CCZ1B: variants seen among roughly 807,000 people sequenced by gnomAD.
CCZ1B encodes the protein CCZ1B vacuolar protein trafficking and biogenesis associated, also known as vacuolar fusion protein CCZ1 homolog B.
A neutral mutation model predicts 58.8 loss-of-function variants in CCZ1B; 25 were observed. The ratio of observed to expected loss-of-function variants is 0.43; its 90% CI spans 0.31 to 0.59. The LOEUF (loss-of-function observed/expected upper bound fraction) is 0.59, where lower values mean the gene tolerates loss of function less well. CCZ1B is among the 20% of genes least tolerant of loss of function. CCZ1B has a pLI of 0.12. For synonymous variants in CCZ1B, 66 were observed against 173.2 expected, an observed-to-expected ratio of 0.38 and a Z score of 4.86; for missense variants, 180 against 501.5, an observed-to-expected ratio of 0.36 and a Z score of 6.12.
chr7:6,812,116 G>A (rs1241179901), intron 9 of CCZ1B, 53 bp from the exon 10 acceptor site: 3 of 953,990 alleles, frequency 3.1e-6, no homozygotes, highest in East Asian at 4.8e-5. Flanking sequence ...GGAGAATCAG[G>A]AATCTAGAAA....
chr7:6,800,766 C>G (rs1243765243), intron 14 of CCZ1B, among the ~76,000 whole-genome samples, 182 bp downstream of exon 14: 1 of 134,564 alleles, frequency 7.4e-6, no homozygotes, highest in Non-Finnish European at 1.6e-5. Context: ...GTTTCCTGTG[C>G]TACAGGAAGG....
At chr7:6,820,079 G>A (rs557942746) in intron 6 of CCZ1B, 138 bp from the exon 7 acceptor site, 15 of 1,267,850 alleles carry the variant, frequency 1.2e-5, no homozygotes, top group South Asian at 5.6e-5. Context: ...CAATGAGGCC[G>A]TGGTGAAGAC....
intron 5 of CCZ1B, among the ~76,000 whole-genome samples, chr7:6,822,725 A>G (rs1783131384): frequency 2.0e-5 from 2 of 99,224 alleles, no homozygotes; most frequent in African/African-American, 3.9e-5. Flanking sequence ...TTTTTTTGAG[A>G]TGGAATCTCG....
chr7:6,817,200 C>A (rs1315968987), intron 7 of CCZ1B, among the ~76,000 whole-genome samples: 1 of 151,644 alleles, frequency 6.6e-6, no homozygotes, highest in African/African-American at 2.4e-5. Flanking sequence ...CCCTCAGATG[C>A]TATTCCAAGA....
intron 6 of CCZ1B, among the ~76,000 whole-genome samples, chr7:6,821,003 G>C (rs1476004880): frequency 6.7e-6 from 1 of 148,914 alleles, no homozygotes; most frequent in Admixed American, 6.7e-5. Flanking sequence ...ATACTACAGA[G>C]AGTGCCATCT....
chr7:6,821,213 T>C (rs1215186315), intron 6 of CCZ1B, among the ~76,000 whole-genome samples: 1 of 150,046 alleles, frequency 6.7e-6, no homozygotes, highest in Non-Finnish European at 1.5e-5. Context: ...GGTTTCACCA[T>C]GTTGGCCAGG....
intron 7 of CCZ1B, among the ~76,000 whole-genome samples, chr7:6,817,262 C>A (rs1243883212): frequency 1.3e-5 from 2 of 151,486 alleles, no homozygotes; most frequent in Non-Finnish European, 2.9e-5. Context: ...TCCTGTGACT[C>A]CAGGCTTCAA....
intron 3 of CCZ1B, 95 bp from the exon 4 acceptor site, chr7:6,824,261 G>C (rs1783160068): frequency 1.9e-6 from 3 of 1,563,780 alleles, no homozygotes; most frequent in African/African-American, 1.4e-5. Flanking sequence ...TACAGCACCA[G>C]AAACACAACT....
chr7:6,809,589 A>G (rs1196308412), intron 10 of CCZ1B, among the ~76,000 whole-genome samples: 7 of 133,062 alleles, frequency 5.3e-5, no homozygotes, highest in Non-Finnish European at 1.1e-4. Flanking sequence ...CATTCTTCCT[A>G]CTCCAATTCC....
At chr7:6,824,598 T>C (rs1252509346) in intron 2 of CCZ1B, 42 bp downstream of exon 2, 1 of 1,612,262 alleles carries the variant, frequency 6.2e-7, no homozygotes, top group Non-Finnish European at 8.5e-7. Context: ...GCAGCAGTTT[T>C]AAGAATTCAC....
Position 6,816,708 on chromosome 7 carries a change from G to T in CCZ1B, c.699-1863C>A, listed in dbSNP as rs191121293. Among the ~76,000 whole-genome samples the T allele has an allele frequency of 2.8e-4, 42 of 150,692 alleles. No individual in the cohort carries two copies. In the East Asian group the frequency reaches 6.6e-3, roughly 24 times the overall value. On this transcript the variant is annotated intron_variant, in intron 7 of 14. Coordinates refer to ENST00000316731, the MANE Select transcript of CCZ1B (RefSeq NM_198097.5). ...CCACGCCTGGCTTAAAAGTCTTTTTGGTATTTAATATAACAGCTTTGGAAT... is the reference window on the plus strand; with the variant it reads ...CCACGCCTGGCTTAAAAGTCTTTTTTGTATTTAATATAACAGCTTTGGAAT...
intron 7 of CCZ1B, among the ~76,000 whole-genome samples, chr7:6,815,361 G>C (rs942124332): frequency 1.3e-5 from 2 of 149,250 alleles, no homozygotes; most frequent in Non-Finnish European, 3.0e-5. Flanking sequence ...TGGGGGTCTT[G>C]CTACGTTGCC....
chr7:6,825,640 ACC>A (rs1491338720), intron 1 of CCZ1B, among the ~76,000 whole-genome samples: 2 of 85,854 alleles, frequency 2.3e-5, no homozygotes, highest in Non-Finnish European at 2.2e-5. Flanking sequence ...CCTCAGAAAA[ACC>A]ACACACACAC....
At position 6,822,939 on chromosome 7, in the gene CCZ1B, C is replaced by T. The variant is rs559186231; in HGVS notation, c.438+374G>A. 3.4e-5 allele frequency among the ~76,000 whole-genome samples: 5 copies of T among 146,002 alleles called. 1 individual carries two copies. Among genetic ancestry groups the T allele is most frequent in the Admixed American group, 1.4e-4 (2 of 14,506 alleles). On this transcript the variant is annotated intron_variant, in intron 5 of 14. Coordinates refer to ENST00000316731, the MANE Select transcript of CCZ1B (RefSeq NM_198097.5). ...CAGACTGGTCCTGAATTCCTGGGCT[C>T]AAGCAATCCTCCCACCTTAGCCTCC...
chr7:6,808,209 A>G (rs1782862097), intron 10 of CCZ1B, among the ~76,000 whole-genome samples: 2 of 127,122 alleles, frequency 1.6e-5, no homozygotes, highest in Non-Finnish European at 3.4e-5. Context: ...CCAACCCCCA[A>G]TCAGATCTCT....
intron 7 of CCZ1B, among the ~76,000 whole-genome samples, chr7:6,818,089 T>G (rs1239584956): frequency 6.7e-6 from 1 of 149,842 alleles, no homozygotes; most frequent in Admixed American, 6.6e-5. Context: ...ACCCACCAAG[T>G]TGTTTATTAA....
chr7:6,814,587 G>A, intron 8 of CCZ1B, 177 bp downstream of exon 8: 3 of 487,100 alleles, frequency 6.2e-6, no homozygotes, highest in Non-Finnish European at 1.1e-5. Flanking sequence ...GTCACATACT[G>A]GAGGAGAGCT....
chr7:6,819,982 A>G (rs2115126469), intron 6 of CCZ1B, 41 bp from the exon 7 acceptor site: 3 of 1,550,372 alleles, frequency 1.9e-6, no homozygotes, highest in Middle Eastern at 1.7e-4. Context: ...CTAATAGTAC[A>G]CTGAATATAA....
rs1269713437 is a variant in CCZ1B at position 6,818,073 on chromosome 7, G to A, written c.698+1693C>T. Among the ~76,000 whole-genome samples the A allele has an allele frequency of 2.7e-5, 4 of 149,692 alleles. 1 individual carries two copies. The highest frequency in any genetic ancestry group is 1.3e-4 in the Admixed American group (2 of 15,086). On this transcript the variant is annotated intron_variant, in intron 7 of 14. Transcript: ENST00000316731. ...TGTCTTCCTAGGAGATAAAGTTCAT[G>A]TGGAAACCCACCAAGTTGTTTATTA...
Sources: allele counts gnomAD v4.1 joint callset (sites outside exome capture counted in the v4.1 genomes callset), GRCh38; gene constraint gnomAD v4.1.1; transcripts MANE v1.5; gene names NCBI Gene and HGNC (gene_info 2026-07-23, HGNC 2026-07-21).